Variants in EYS observed in about 807,000 individuals in gnomAD.
EYS encodes protein eyes shut homolog.
In EYS, 250 loss-of-function variants were observed where a neutral mutation model predicts 282.1. That is an observed-to-expected ratio of 0.89 (90% CI 0.80 to 0.98). The LOEUF is 0.98. Ranked by LOEUF, EYS falls within the 50% of genes least tolerant of loss-of-function variation. EYS has a pLI of 0.00. For synonymous variants in EYS, 1,355 were observed against 1,282.9 expected (o/e 1.06, Z -1.20); for missense variants, 4,016 against 3,709.0 (o/e 1.08, Z -2.15).
intron 8 of EYS, among the ~76,000 whole-genome samples, chr6:65,382,457 CTGTGTGTGTGTGTGTGTG>C (rs55949006): frequency 1.8e-5 from 2 of 111,938 alleles, no homozygotes; most frequent in African/African-American, 3.1e-5. Context: ...CTCCTTTCCT[CTGTGTGTGTGTGTGTGTG>C]TGTGTGTGTG....
rs145428091 is a variant in EYS at position 65,213,882 on chromosome 6, C to G, written c.2023+81981G>C. 2.1e-3 allele frequency among the ~76,000 whole-genome samples: 312 copies of G among 152,014 alleles called. 1 individual carries two copies. Among genetic ancestry groups the G allele is most frequent in the African/African-American group, 7.2e-3 (300 of 41,466 alleles). On this transcript the variant is annotated intron_variant, in intron 12 of 42. Transcript: ENST00000503581. Reference sequence around the variant, plus strand: ...TGAGGAAGGGATACTGAAAGCTGGCCGGGCGTGGTGGCTCACGCCTGTAAC... The same window carrying G: ...TGAGGAAGGGATACTGAAAGCTGGCGGGGCGTGGTGGCTCACGCCTGTAAC...
intron 28 of EYS, among the ~76,000 whole-genome samples, chr6:64,429,081 A>G (rs1216756715): frequency 1.3e-5 from 2 of 152,050 alleles, no homozygotes; most frequent in Non-Finnish European, 2.9e-5. Context: ...TTTTCTAGAG[A>G]AAAAAACCCC....
At chr6:63,863,435 A>G (rs1772584528) in intron 36 of EYS, among the ~76,000 whole-genome samples, 1 of 152,134 alleles carries the variant, frequency 6.6e-6, no homozygotes, top group African/African-American at 2.4e-5. Context: ...TAATAACTGT[A>G]TCATGGGTTT....
At chr6:63,996,724 G>T (rs1213126767) in intron 34 of EYS, among the ~76,000 whole-genome samples, 1 of 151,950 alleles carries the variant, frequency 6.6e-6, no homozygotes, top group African/African-American at 2.4e-5. Flanking sequence ...TTCCTTCTCT[G>T]TATTTGAAGA....
At chr6:65,224,200 GAAGT>G (rs1269597812) in intron 12 of EYS, among the ~76,000 whole-genome samples, 1 of 152,002 alleles carries the variant, frequency 6.6e-6, no homozygotes, top group East Asian at 1.9e-4. Flanking sequence ...TAAAAAAATT[GAAGT>G]CATACAAACT....
intron 31 of EYS, among the ~76,000 whole-genome samples, chr6:64,114,112 G>T (rs147977244): frequency 0.019 from 2,884 of 151,902 alleles, 79 homozygotes; most frequent in African/African-American, 0.065. Flanking sequence ...AGGAAAAAGT[G>T]GTAAATAGAT....
At chr6:63,906,474 G>A (rs1247872942) in intron 35 of EYS, among the ~76,000 whole-genome samples, 1 of 152,124 alleles carries the variant, frequency 6.6e-6, no homozygotes, top group Admixed American at 6.6e-5. Flanking sequence ...TGAGATGCTA[G>A]TATAATCTTC....
In EYS at chr6:63,720,663, T is replaced by G. The variant is rs1420530149; in HGVS notation, c.9368A>C (p.Asn3123Thr). The change falls in exon 43 of 43, where the codon AAC (asparagine) becomes ACC (threonine). Residue 3123 changes from asparagine (N) to threonine (T), a missense_variant. Transcript: ENST00000503581. ...TCCTTCTAATTTAATTAGTTCAATG[T>G]TTTTTGGTTCCTGAAAAAATACAAC... ...KDVVFFQEPK[N>T]IELIKLEGYN... 6.5e-7 allele frequency: 1 copy of G among 1,540,570 alleles called. No individual in the cohort carries two copies. Among genetic ancestry groups the G allele is most frequent in the East Asian group, 2.5e-5 (1 of 40,766 alleles).
chr6:65,649,811 G>A (rs1767588530), intron 1 of EYS, among the ~76,000 whole-genome samples: 1 of 152,116 alleles, frequency 6.6e-6, no homozygotes, highest in South Asian at 2.1e-4. Flanking sequence ...GTGGTAAAAT[G>A]ACACAGAGGA....
chr6:65,640,752 T>C (rs1767248719), intron 1 of EYS, among the ~76,000 whole-genome samples: 1 of 152,124 alleles, frequency 6.6e-6, no homozygotes, highest in Non-Finnish European at 1.5e-5. Flanking sequence ...TATGGTGTAT[T>C]TGATGAGGTA....
chr6:65,506,456 C>CTTCCTTT (rs1766657767), intron 2 of EYS, among the ~76,000 whole-genome samples: 1 of 89,488 alleles, frequency 1.1e-5, no homozygotes, highest in African/African-American at 3.9e-5. Context: ...TCCTTCCTTC[C>CTTCCTTT]TTTCTTTTTT....
chr6:64,570,839 A>T (rs2149817099), intron 26 of EYS, among the ~76,000 whole-genome samples: 1 of 152,216 alleles, frequency 6.6e-6, no homozygotes, highest in African/African-American at 2.4e-5. Flanking sequence ...ATGGTGGGAG[A>T]TTTTAACACC....
chr6:64,356,115 T>A (rs1041172585), intron 29 of EYS, among the ~76,000 whole-genome samples: 2 of 151,546 alleles, frequency 1.3e-5, no homozygotes, highest in Non-Finnish European at 1.5e-5. Context: ...TAAAATTTTT[T>A]AAAATTACAT....
At chr6:65,167,475 A>T (rs1408167026) in intron 12 of EYS, among the ~76,000 whole-genome samples, 2 of 151,264 alleles carry the variant, frequency 1.3e-5, no homozygotes, top group Non-Finnish European at 3.0e-5. Flanking sequence ...TATGTGAATT[A>T]TGTCTAAAAA....
At chr6:65,650,420 T>A (rs563076859) in intron 1 of EYS, among the ~76,000 whole-genome samples, 1 of 152,162 alleles carries the variant, frequency 6.6e-6, no homozygotes, top group African/African-American at 2.4e-5. Context: ...CCAGGCTGGG[T>A]TGTAACACAG....
At chr6:65,459,786 G>A (rs1486212678) in intron 5 of EYS, among the ~76,000 whole-genome samples, 1 of 150,578 alleles carries the variant, frequency 6.6e-6, no homozygotes. Context: ...AAAACCAACT[G>A]AAATATTTGA....
chr6:64,022,482 A>G (rs948129023), intron 33 of EYS, among the ~76,000 whole-genome samples: 5 of 152,234 alleles, frequency 3.3e-5, no homozygotes, highest in Non-Finnish European at 7.3e-5. Flanking sequence ...AATGTTATGC[A>G]AATATCATTA....
chr6:65,388,346 A>G (rs965238946), intron 7 of EYS, among the ~76,000 whole-genome samples: 1 of 152,170 alleles, frequency 6.6e-6, no homozygotes, highest in Admixed American at 6.6e-5. Context: ...AATTATAAAT[A>G]CATGAGTATA....
intron 12 of EYS, among the ~76,000 whole-genome samples, chr6:65,249,457 C>T (rs556505930): frequency 5.9e-5 from 9 of 151,948 alleles, no homozygotes; most frequent in Non-Finnish European, 1.0e-4. Context: ...TGCAAGGTCA[C>T]CAAACAACCC....
Sources: gnomAD v4.1 joint callset for allele counts (sites outside exome capture counted in the v4.1 genomes callset) on GRCh38, gnomAD v4.1.1 for gene constraint, MANE v1.5 for transcripts, NCBI Gene and HGNC (gene_info 2026-07-23, HGNC 2026-07-21) for gene names.